ADGRV1: variants seen among roughly 807,000 people sequenced by gnomAD.
ADGRV1 encodes the protein G-protein coupled receptor 98.
Under a neutral mutation model 596.2 loss-of-function variants are expected in ADGRV1, and 359 were observed. The ratio of observed to expected loss-of-function variants is 0.60; its 90% CI spans 0.55 to 0.66. ADGRV1 has a LOEUF of 0.66. ADGRV1 is among the 30% of genes least tolerant of loss of function. ADGRV1 has a pLI of 0.00. For missense variants in ADGRV1, 7,274 were observed against 7,575.6 expected (o/e 0.96, Z 1.48); for synonymous variants, 2,681 against 2,679.2 (o/e 1.00, Z -0.02).
intron 85 of ADGRV1, among the ~76,000 whole-genome samples, chr5:91,001,746 T>C (rs1781871811): frequency 6.6e-6 from 1 of 152,228 alleles, no homozygotes; most frequent in Admixed American, 6.5e-5. Context: ...TTTCTTCAAT[T>C]ACATCTTTCA....
At chr5:90,715,830 T>C (rs571448258) in intron 42 of ADGRV1, among the ~76,000 whole-genome samples, 1 of 152,268 alleles carries the variant, frequency 6.6e-6, no homozygotes, top group East Asian at 1.9e-4. Context: ...AGAATAATAA[T>C]ATAATCAATA....
intron 48 of ADGRV1, among the ~76,000 whole-genome samples, chr5:90,727,976 C>A (rs946553280): frequency 7.9e-5 from 12 of 152,172 alleles, no homozygotes; most frequent in Non-Finnish European, 1.8e-4. Context: ...TATACTTATA[C>A]ATTGACTTAA....
At chr5:90,830,094 A>G (rs888835030) in intron 77 of ADGRV1, among the ~76,000 whole-genome samples, 4 of 152,156 alleles carry the variant, frequency 2.6e-5, no homozygotes, top group Non-Finnish European at 5.9e-5. Context: ...TTCTGTGCAT[A>G]AAACAGAACA....
At chr5:90,608,126 A>G (rs1762323149) in intron 1 of ADGRV1, among the ~76,000 whole-genome samples, 3 of 152,260 alleles carry the variant, frequency 2.0e-5, no homozygotes, top group South Asian at 4.1e-4. Context: ...CAGAGCAAAA[A>G]TCAAAGAATC....
chr5:90,927,727 T>C (rs3114658), intron 83 of ADGRV1, among the ~76,000 whole-genome samples: 109,101 of 151,768 alleles, frequency 0.72, 39,618 homozygotes, highest in East Asian at 1. Flanking sequence ...TTCCTAGTCT[T>C]GATGGTCTTT....
At chr5:90,672,765 G>T (rs779851019) in intron 22 of ADGRV1, 43 bp downstream of exon 22, 1 of 1,433,048 alleles carries the variant, frequency 7.0e-7, no homozygotes, top group Non-Finnish European at 9.5e-7. Flanking sequence ...CTCCTGGAAA[G>T]CTTTTCCTGA....
Position 90,728,724 on chromosome 5 carries a change from G to T in ADGRV1, c.10217G>T (p.Gly3406Val), listed in dbSNP as rs1462565557. 2 of 1,613,688 alleles carry T rather than the reference G, an allele frequency of 1.2e-6. No homozygotes were observed. Among genetic ancestry groups the T allele is most frequent in the Non-Finnish European group, 1.7e-6 (2 of 1,179,772 alleles). Residue 3406 changes from glycine (G) to valine (V), a missense_variant, in exon 49 of 90, where the codon GGT (glycine) becomes GTT (valine). Transcript: ENST00000405460. ...FVLHQKLPVR[G>V]VLTVALFNKG... ...TTGCATCAAAAACTCCCTGTCCGAG[G>T]TGTGCTGACCGTGGCCTTGTTCAAC...
At chr5:90,664,718 T>G (rs1335957225) in intron 21 of ADGRV1, among the ~76,000 whole-genome samples, 1 of 131,724 alleles carries the variant, frequency 7.6e-6, no homozygotes, top group Non-Finnish European at 1.6e-5. Context: ...GCTTCCAGTT[T>G]TTGCCCATTC....
chr5:90,887,455 A>T (rs180870183), intron 83 of ADGRV1, among the ~76,000 whole-genome samples: 7 of 152,174 alleles, frequency 4.6e-5, no homozygotes, highest in Non-Finnish European at 1.0e-4. Flanking sequence ...TTCTTGACTT[A>T]TTCATCTCTG....
chr5:90,750,486 C>T, intron 52 of ADGRV1, 65 bp from the exon 53 acceptor site: 1 of 1,398,540 alleles, frequency 7.2e-7, no homozygotes, highest in East Asian at 2.3e-5. Context: ...TAACATGAGA[C>T]AAAAAAAGAA....
At position 90,683,819 on chromosome 5, in the gene ADGRV1, G is replaced by C. The variant is rs754110689; in HGVS notation, c.5898G>C (p.Thr1966=). The part of the protein sequence containing the change: ...SGSLGAHINA[T]LTVLASDDPY... ...CTTTGGGAGCTCATATTAATGCCAC[G>C]TTAACAGTTTTGGCTAGTGATGATC... Residue 1966 remains threonine (T), a synonymous_variant, in exon 28 of 90, where the codon ACG becomes ACC. Coordinates refer to ENST00000405460, the MANE Select transcript of ADGRV1 (RefSeq NM_032119.4). 83 of 1,613,642 alleles carry C rather than the reference G, an allele frequency of 5.1e-5. No individual in the cohort carries two copies. The highest frequency in any genetic ancestry group is 6.7e-5 in the Non-Finnish European group (79 of 1,179,860).
rs746846299 is a variant in ADGRV1 at position 90,863,819 on chromosome 5, C to A, written c.17818C>A (p.Leu5940Ile). 6.2e-7 allele frequency: 1 copy of A among 1,613,570 alleles called. No individual in the cohort carries two copies. The highest frequency in any genetic ancestry group is 1.7e-5 in the Admixed American group (1 of 60,006). ...CAGGTACTCCATGTTTGCAGCTAAA[C>A]TTCTGACTCACATGATGGCAGCCAG... ...CARYSMFAAKLLTHMMAASLG... is the reference protein window; with the variant it reads ...CARYSMFAAKILTHMMAASLG... The change falls in exon 83 of 90, where the codon CTT (leucine) becomes ATT (isoleucine). Residue 5940 changes from leucine (L) to isoleucine (I), a missense_variant. Transcript: ENST00000405460.
At chr5:90,980,625 T>C (rs937126743) in intron 84 of ADGRV1, among the ~76,000 whole-genome samples, 1 of 152,170 alleles carries the variant, frequency 6.6e-6, no homozygotes, top group Non-Finnish European at 1.5e-5. Context: ...TTTAGTACAG[T>C]CTTTAGCAGA....
intron 21 of ADGRV1, among the ~76,000 whole-genome samples, chr5:90,664,889 T>G (rs1406866455): frequency 6.6e-6 from 1 of 151,226 alleles, no homozygotes; most frequent in Non-Finnish European, 1.5e-5. Context: ...TTTTTGTCTT[T>G]GGCTCTGTTT....
intron 88 of ADGRV1, among the ~76,000 whole-genome samples, chr5:91,152,479 CA>C (rs141532123): frequency 3.8e-4 from 58 of 151,322 alleles, no homozygotes; most frequent in Non-Finnish European, 7.5e-4. Context: ...TACATCTTAC[CA>C]AAAAAAAGTA....
intron 18 of ADGRV1, among the ~76,000 whole-genome samples, chr5:90,651,980 A>T (rs1768697300): frequency 6.7e-6 from 1 of 149,678 alleles, no homozygotes; most frequent in African/African-American, 2.5e-5. Flanking sequence ...CCTTTGTGAG[A>T]CTGAGAAACT....
chr5:90,710,232 C>A (rs1749159843), intron 39 of ADGRV1, among the ~76,000 whole-genome samples: 1 of 152,050 alleles, frequency 6.6e-6, no homozygotes, highest in Non-Finnish European at 1.5e-5. Context: ...AGGTAAAGAA[C>A]AAAGTATTAA....
intron 86 of ADGRV1, among the ~76,000 whole-genome samples, chr5:91,097,681 A>C (rs573933137): frequency 6.6e-6 from 1 of 152,138 alleles, no homozygotes; most frequent in Admixed American, 6.5e-5. Flanking sequence ...GCCATTTTAC[A>C]TCTCTATCAG....
intron 85 of ADGRV1, among the ~76,000 whole-genome samples, chr5:90,995,160 G>T (rs1263009554): frequency 6.6e-6 from 1 of 152,128 alleles, no homozygotes; most frequent in Non-Finnish European, 1.5e-5. Flanking sequence ...CTCCATTGTT[G>T]TTATCCACTG....
Sources: allele counts gnomAD v4.1 joint callset (sites outside exome capture counted in the v4.1 genomes callset), GRCh38; gene constraint gnomAD v4.1.1; transcripts MANE v1.5; gene names NCBI Gene and HGNC (gene_info 2026-07-23, HGNC 2026-07-21).